Variants in SHC3 observed in about 807,000 individuals in gnomAD.
SHC3 encodes SHC-transforming protein 3.
Under a neutral mutation model 60.4 loss-of-function variants are expected in SHC3, and 15 were observed. The ratio of observed to expected loss-of-function variants is 0.25; its 90% CI spans 0.17 to 0.38. The LOEUF is 0.38. SHC3 is among the 10% of genes least tolerant of loss of function. The probability of loss-of-function intolerance (pLI) is 1.00; values close to 1 mark genes in which losing one functional copy is unlikely to be tolerated. For missense variants in SHC3, 677 were observed against 786.1 expected, an observed-to-expected ratio of 0.86 and a Z score of 1.66; for synonymous variants, 294 against 325.9, an observed-to-expected ratio of 0.90 and a Z score of 1.05.
intron 1 of SHC3, among the ~76,000 whole-genome samples, chr9:89,114,273 A>G (rs770890342): frequency 8.5e-5 from 13 of 152,164 alleles, no homozygotes; most frequent in Non-Finnish European, 1.9e-4. Flanking sequence ...TGCCAATGCC[A>G]TAGAGTTATT....
At chr9:89,152,419 A>C (rs1483080142) in intron 1 of SHC3, among the ~76,000 whole-genome samples, 1 of 152,246 alleles carries the variant, frequency 6.6e-6, no homozygotes, top group Non-Finnish European at 1.5e-5. Context: ...TTACGTTTTC[A>C]AAATCCTTCA....
intron 9 of SHC3, 117 bp downstream of exon 9, chr9:89,045,628 AG>A: frequency 1.2e-6 from 1 of 851,944 alleles, no homozygotes; most frequent in Non-Finnish European, 1.9e-6. Flanking sequence ...CAACACACAC[AG>A]CACATATATC....
chr9:89,108,803 A>G (rs1198957733), intron 2 of SHC3, among the ~76,000 whole-genome samples: 1 of 151,746 alleles, frequency 6.6e-6, no homozygotes, highest in Non-Finnish European at 1.5e-5. Flanking sequence ...AAGTCGCCCT[A>G]ACACTAACAG....
intron 1 of SHC3, among the ~76,000 whole-genome samples, chr9:89,139,306 T>C (rs971735892): frequency 1.3e-5 from 2 of 152,210 alleles, no homozygotes; most frequent in African/African-American, 4.8e-5. Flanking sequence ...AAGTGTACCA[T>C]AGTTCTTGAA....
At chr9:89,039,853 G>GTCA (rs1222029092) in intron 10 of SHC3, among the ~76,000 whole-genome samples, 6 of 149,570 alleles carry the variant, frequency 4.0e-5, no homozygotes, top group Non-Finnish European at 7.4e-5. Context: ...CATCCCCATT[G>GTCA]TCATCATCAT....
intron 11 of SHC3, among the ~76,000 whole-genome samples, chr9:89,027,771 C>T (rs753844001): frequency 1.3e-5 from 2 of 152,104 alleles, no homozygotes; most frequent in Non-Finnish European, 2.9e-5. Context: ...TACAGACTAA[C>T]AGAAAAGATG....
intron 1 of SHC3, among the ~76,000 whole-genome samples, chr9:89,127,390 T>C (rs1826179271): frequency 6.6e-6 from 1 of 152,160 alleles, no homozygotes; most frequent in African/African-American, 2.4e-5. Flanking sequence ...AAAACAGTGC[T>C]ATGGTTAAAA....
intron 1 of SHC3, among the ~76,000 whole-genome samples, chr9:89,115,983 T>A (rs1826013699): frequency 6.6e-6 from 1 of 152,074 alleles, no homozygotes; most frequent in Non-Finnish European, 1.5e-5. Context: ...CCACCACCAA[T>A]GTCACAGTGT....
At chr9:89,165,945 G>C (rs1309440564) in intron 1 of SHC3, among the ~76,000 whole-genome samples, 1 of 152,024 alleles carries the variant, frequency 6.6e-6, no homozygotes, top group East Asian at 1.9e-4. Flanking sequence ...TTTTCCGATG[G>C]TTTCTCCACA....
chr9:89,142,812 A>G (rs542866601), intron 1 of SHC3, among the ~76,000 whole-genome samples: 27 of 152,200 alleles, frequency 1.8e-4, no homozygotes, highest in Middle Eastern at 3.4e-3. Context: ...AAGTCAGCCA[A>G]TTGGTGTGTG....
rs970018802 is a variant in SHC3 at position 89,110,046 on chromosome 9, C to T, written c.545+2510G>A. ...CTGACATGAGTGATAAATTTCTCCT[C>T]AGAACCCAGCCAATACACTGAAAAA... On this transcript the variant is annotated intron_variant, in intron 2 of 11. Coordinates refer to ENST00000375835, the MANE Select transcript of SHC3 (RefSeq NM_016848.6). 31 of 985,430 alleles carry T rather than the reference C, an allele frequency of 3.1e-5. No individual in the cohort carries two copies. The Middle Eastern group carries it at 2.6e-3, about 83-fold the overall frequency. The allele number at this position is 985,430 out of a possible 1,614,324, so 61.0% of individuals were successfully genotyped here. A position where few individuals can be genotyped will look rare whatever the true frequency, so the allele number is the denominator to read the frequency against.
chr9:89,049,868 T>C (rs1824834510), intron 7 of SHC3, among the ~76,000 whole-genome samples: 1 of 152,258 alleles, frequency 6.6e-6, no homozygotes, highest in Admixed American at 6.5e-5. Context: ...TAAGTCATTT[T>C]CCTTTTTCTC....
Position 89,178,026 on chromosome 9 carries a change from G to C in SHC3, c.435C>G (p.Ser145Arg). Residue 145 changes from serine to arginine, a missense_variant, in exon 1 of 12, where the codon AGC (serine) becomes AGG (arginine). Ser to Arg is a moderately radical substitution (Grantham distance 110). Transcript: ENST00000375835. The surrounding 1 kb of genome is among the most constrained non-coding windows in gnomAD (Gnocchi z 6.9). ...PRPPRGAPHA[S>R]DQVLGPGVTY... Reference sequence around the variant, plus strand: ...TGACTCCGGGCCCCAGCACCTGGTCGCTGGCGTGCGGCGCCCCCCGAGGGG... The same window carrying C: ...TGACTCCGGGCCCCAGCACCTGGTCCCTGGCGTGCGGCGCCCCCCGAGGGG... The C allele has an allele frequency of 3.2e-6, 4 of 1,233,564 alleles. No homozygotes were observed. The highest frequency in any genetic ancestry group is 3.0e-6 in the Non-Finnish European group (3 of 989,002). 76.4% of individuals were successfully genotyped at this position (1,233,564 alleles called of 1,614,324 possible).
At chr9:89,165,091 T>C (rs1198058574) in intron 1 of SHC3, among the ~76,000 whole-genome samples, 1 of 152,224 alleles carries the variant, frequency 6.6e-6, no homozygotes, top group Non-Finnish European at 1.5e-5. Context: ...CATAATTTGA[T>C]TGCCAAGTGA....
chr9:89,052,228 A>C, intron 6 of SHC3, 65 bp from the exon 7 acceptor site: 1 of 1,593,694 alleles, frequency 6.3e-7, no homozygotes, highest in Non-Finnish European at 8.6e-7. Flanking sequence ...CTCCTCTACA[A>C]AGAGCCCTTG....
chr9:89,041,569 A>C (rs1391180037), intron 10 of SHC3, among the ~76,000 whole-genome samples: 1 of 152,204 alleles, frequency 6.6e-6, no homozygotes, highest in Non-Finnish European at 1.5e-5. Flanking sequence ...AAGAGAGAGA[A>C]AACCCTCATA....
At chr9:89,158,522 C>T (rs1018468013) in intron 1 of SHC3, among the ~76,000 whole-genome samples, 5 of 152,044 alleles carry the variant, frequency 3.3e-5, no homozygotes, top group East Asian at 1.9e-4. Context: ...TATGTATGTC[C>T]GTTAGATCCT....
intron 2 of SHC3, among the ~76,000 whole-genome samples, chr9:89,084,618 T>C (rs977705102): frequency 3.9e-5 from 6 of 152,232 alleles, no homozygotes; most frequent in African/African-American, 1.4e-4. Flanking sequence ...TTTATTCTTA[T>C]AAACACTTTC....
At chr9:89,049,449 A>G (rs12349103) in intron 7 of SHC3, among the ~76,000 whole-genome samples, 215 of 152,346 alleles carry the variant, frequency 1.4e-3, no homozygotes, top group African/African-American at 4.9e-3. Context: ...CTGCCAGAGA[A>G]GTATGGTAGT....
Sources: gnomAD v4.1 joint callset for allele counts (sites outside exome capture counted in the v4.1 genomes callset) on GRCh38, gnomAD v4.1.1 for gene constraint, Gnocchi (gnomAD v3.1) non-coding constraint, MANE v1.5 for transcripts, NCBI Gene and HGNC (gene_info 2026-07-23, HGNC 2026-07-21) for gene names.